Variants in BTRC observed in about 807,000 individuals in gnomAD.
BTRC encodes F-box/WD repeat-containing protein 1A.
Under a neutral mutation model 85.5 loss-of-function variants are expected in BTRC, and 42 were observed. The ratio of observed to expected loss-of-function variants is 0.49; its 90% CI spans 0.38 to 0.64. The LOEUF (loss-of-function observed/expected upper bound fraction) is 0.64. BTRC is among the 30% of genes least tolerant of loss of function. The pLI, the probability that BTRC is intolerant of heterozygous loss-of-function variation, is 0.00. For synonymous variants in BTRC, 255 were observed against 263.3 expected (o/e 0.97, Z 0.30); for missense variants, 594 against 743.5 (o/e 0.80, Z 2.34).
At chr10:101,533,111 G>T (rs200578010) in intron 9 of BTRC, 41 bp downstream of exon 9, 3 of 1,404,576 alleles carry the variant, frequency 2.1e-6, no homozygotes, top group South Asian at 2.3e-5. Context: ...TGAAATATCA[G>T]CTCTGCTCTG....
intron 4 of BTRC, among the ~76,000 whole-genome samples, chr10:101,495,385 G>A (rs757690146): frequency 1.4e-4 from 21 of 152,134 alleles, no homozygotes; most frequent in Non-Finnish European, 2.8e-4. Context: ...ACTGGCATAG[G>A]CAGCCTATTA....
chr10:101,387,159 A>T (rs903167093), intron 1 of BTRC, among the ~76,000 whole-genome samples: 2 of 152,054 alleles, frequency 1.3e-5, no homozygotes, highest in Admixed American at 1.3e-4. Flanking sequence ...TATCTTATTC[A>T]TATAGCTTTT....
At chr10:101,368,187 T>C (rs569765650) in intron 1 of BTRC, among the ~76,000 whole-genome samples, 1 of 152,298 alleles carries the variant, frequency 6.6e-6, no homozygotes, top group East Asian at 1.9e-4. Context: ...CTGCCAGAGT[T>C]GGTAGTTTAA....
At chr10:101,470,938 C>T (rs1945508711) in intron 3 of BTRC, among the ~76,000 whole-genome samples, 1 of 152,142 alleles carries the variant, frequency 6.6e-6, no homozygotes, top group Non-Finnish European at 1.5e-5. Flanking sequence ...GTTATATTCT[C>T]AAACCTCCTG....
intron 13 of BTRC, among the ~76,000 whole-genome samples, chr10:101,543,782 A>C (rs909570494): frequency 6.6e-6 from 1 of 152,174 alleles, no homozygotes. Context: ...GGAAACTTAA[A>C]ACACTATATG....
intron 1 of BTRC, among the ~76,000 whole-genome samples, chr10:101,357,783 A>T (rs1564724349): frequency 6.6e-6 from 1 of 152,240 alleles, no homozygotes; most frequent in Non-Finnish European, 1.5e-5. Context: ...CATAATTCAC[A>T]CGTGATCGAG....
intron 3 of BTRC, among the ~76,000 whole-genome samples, chr10:101,469,469 A>G (rs546219182): frequency 1.3e-5 from 2 of 152,140 alleles, no homozygotes; most frequent in South Asian, 4.1e-4. Context: ...ATGTTATTAC[A>G]TATTCATTCA....
Position 101,550,795 on chromosome 10 carries a change from G to A in BTRC, c.1753G>A (p.Asp585Asn). The change falls in exon 14 of 15, where the codon GAT becomes AAT. Residue 585 changes from aspartate to asparagine, a missense_variant. By Grantham distance (23) the Asp-to-Asn change is conservative. Around this residue, in one of 4 missense-constraint regions of BTRC, gnomAD observed 56 missense variants for 39.6 expected, o/e 1.41. Coordinates refer to ENST00000370187, the MANE Select transcript of BTRC (RefSeq NM_033637.4). ...AATCCTCATCTGGGACTTCCTAAATGATCCAGCTGCCCAAGCTGAACCCCC... is the reference window on the plus strand; with the variant it reads ...AATCCTCATCTGGGACTTCCTAAATAATCCAGCTGCCCAAGCTGAACCCCC... Reference protein sequence around the residue: ...DTILIWDFLNDPAAQAEPPRS... With the variant: ...DTILIWDFLNNPAAQAEPPRS... 1 of 1,614,040 alleles carries A rather than the reference G, an allele frequency of 6.2e-7. No homozygotes were observed. Among genetic ancestry groups the A allele is most frequent in the Non-Finnish European group, 8.5e-7 (1 of 1,179,960 alleles).
intron 1 of BTRC, among the ~76,000 whole-genome samples, chr10:101,427,406 G>A (rs550668236): frequency 4.0e-5 from 6 of 148,678 alleles, no homozygotes; most frequent in East Asian, 2.0e-4. Context: ...GTGAGCCACC[G>A]TGCCCAGCCT....
chr10:101,369,794 C>T (rs923865930), intron 1 of BTRC, among the ~76,000 whole-genome samples: 6 of 152,158 alleles, frequency 3.9e-5, no homozygotes, highest in Non-Finnish European at 5.9e-5. Context: ...AGGGTTCGTT[C>T]GATAATTTCA....
intron 5 of BTRC, among the ~76,000 whole-genome samples, chr10:101,525,804 A>G (rs760100938): frequency 2.0e-5 from 3 of 152,134 alleles, no homozygotes; most frequent in Non-Finnish European, 2.9e-5. Flanking sequence ...AGGAAGATGG[A>G]AAATACTGTT....
At chr10:101,521,533 G>T (rs1414180042) in intron 4 of BTRC, 106 bp from the exon 5 acceptor site, 1 of 780,830 alleles carries the variant, frequency 1.3e-6, no homozygotes, top group Non-Finnish European at 2.1e-6. Context: ...AACAGAGTGG[G>T]CTCAATCATG....
intron 1 of BTRC, among the ~76,000 whole-genome samples, chr10:101,390,496 C>CCTGG (rs1554867362): frequency 5.9e-5 from 9 of 151,394 alleles, no homozygotes; most frequent in South Asian, 2.1e-4. Flanking sequence ...CGCCACCACG[C>CCTGG]CTAATTTTTT....
chr10:101,529,806 AATTAATTAT>A (rs1167131785), intron 6 of BTRC, among the ~76,000 whole-genome samples: 1 of 152,210 alleles, frequency 6.6e-6, no homozygotes, highest in Non-Finnish European at 1.5e-5. Flanking sequence ...GACACCAAAC[AATTAATTAT>A]ATTGTAATGG....
chr10:101,442,468 C>A (rs1280847599), intron 2 of BTRC, among the ~76,000 whole-genome samples: 4 of 152,100 alleles, frequency 2.6e-5, no homozygotes, highest in African/African-American at 9.7e-5. Flanking sequence ...TAACCCCATC[C>A]AGTTTAGTTC....
intron 2 of BTRC, among the ~76,000 whole-genome samples, chr10:101,439,864 T>C (rs1378766420): frequency 2.0e-5 from 3 of 152,212 alleles, no homozygotes; most frequent in Non-Finnish European, 4.4e-5. Flanking sequence ...GAAGGTGGTA[T>C]TGGGTAAAGA....
intron 13 of BTRC, among the ~76,000 whole-genome samples, chr10:101,550,012 A>G (rs2062625071): frequency 6.6e-6 from 1 of 152,196 alleles, no homozygotes; most frequent in Admixed American, 6.5e-5. Context: ...AGTTTGGTTG[A>G]TAAACATTTA....
At chr10:101,516,566 A>G (rs899044380) in intron 4 of BTRC, among the ~76,000 whole-genome samples, 3 of 152,212 alleles carry the variant, frequency 2.0e-5, no homozygotes, top group African/African-American at 7.2e-5. Context: ...AATAGCCCAG[A>G]ACAGTTGATA....
At chr10:101,508,608 T>A (rs1364188635) in intron 4 of BTRC, among the ~76,000 whole-genome samples, 1 of 151,986 alleles carries the variant, frequency 6.6e-6, no homozygotes, top group African/African-American at 2.4e-5. Context: ...TCACTGAGAG[T>A]TATAAAGTTT....
Sources: gnomAD v4.1 joint callset for allele counts (sites outside exome capture counted in the v4.1 genomes callset) on GRCh38, gnomAD v4.1.1 for gene constraint, gnomAD v4.1.1 regional missense constraint, MANE v1.5 for transcripts, NCBI Gene and HGNC (gene_info 2026-07-23, HGNC 2026-07-21) for gene names.